Variants in ARMH4 observed in about 807,000 individuals in gnomAD.
ARMH4 encodes the protein armadillo-like helical domain-containing protein 4.
ARMH4 carries 49 observed loss-of-function variants against 61.9 expected under a neutral mutation model. The observed-to-expected ratio is 0.79, with a 90% confidence interval of 0.63 to 1.00. The LOEUF (loss-of-function observed/expected upper bound fraction) is 1.00, where lower values mean the gene tolerates loss of function less well. Ranked by LOEUF, ARMH4 falls within the 50% of genes least tolerant of loss-of-function variation. The probability of loss-of-function intolerance (pLI) is 0.00; values close to 1 mark genes in which losing one functional copy is unlikely to be tolerated. For missense variants in ARMH4, 934 were observed against 930.0 expected, an observed-to-expected ratio of 1.00 and a Z score of -0.06; for synonymous variants, 368 against 341.5, an observed-to-expected ratio of 1.08 and a Z score of -0.85.
intron 6 of ARMH4, among the ~76,000 whole-genome samples, chr14:58,007,773 C>T (rs1882233883): frequency 6.6e-6 from 1 of 152,162 alleles, no homozygotes; most frequent in African/African-American, 2.4e-5. Flanking sequence ...TATACACATG[C>T]CCCGAGATGT....
chr14:58,080,070 C>A (rs1282218739), intron 5 of ARMH4, among the ~76,000 whole-genome samples: 1 of 151,744 alleles, frequency 6.6e-6, no homozygotes, highest in African/African-American at 2.4e-5. Flanking sequence ...GATGCTAAGA[C>A]AAGGAGATGA....
In ARMH4 at chr14:58,131,707, C is replaced by T. The variant is rs199514609; in HGVS notation, c.1636G>A (p.Val546Ile). The change falls in exon 4 of 8, where the codon GTC (valine) becomes ATC (isoleucine). Residue 546 changes from valine to isoleucine, a missense_variant. Val to Ile is a conservative substitution (Grantham distance 29, BLOSUM62 3). Coordinates refer to ENST00000267485, the MANE Select transcript of ARMH4 (RefSeq NM_001001872.4). The part of the protein sequence containing the change: ...TPTVEEQMDT[V>I]TGPNEEFTPV... ...GTGAACTCCTCATTTGGCCCTGTGA[C>T]TGTGTCCATTTGTTCTGCCAAACAC... The T allele has an allele frequency of 5.0e-5, 80 of 1,612,798 alleles. No homozygotes were observed. The highest frequency in any genetic ancestry group is 6.6e-5 in the Non-Finnish European group (78 of 1,179,938).
At chr14:58,144,823 G>A (rs551775265) in intron 1 of ARMH4, among the ~76,000 whole-genome samples, 2 of 152,002 alleles carry the variant, frequency 1.3e-5, no homozygotes, top group East Asian at 1.9e-4. Flanking sequence ...AGCCAAGATC[G>A]CACCACTGCA....
At chr14:58,060,370 T>C (rs1254298439) in intron 5 of ARMH4, among the ~76,000 whole-genome samples, 3 of 152,236 alleles carry the variant, frequency 2.0e-5, no homozygotes, top group Non-Finnish European at 4.4e-5. Context: ...CTCTTTATTC[T>C]AACTCGTGGA....
intron 5 of ARMH4, among the ~76,000 whole-genome samples, chr14:58,046,224 T>G (rs2141191976): frequency 6.6e-6 from 1 of 152,298 alleles, no homozygotes; most frequent in East Asian, 1.9e-4. Flanking sequence ...CAGGGCTTGA[T>G]TCCATCTAGA....
intron 5 of ARMH4, among the ~76,000 whole-genome samples, chr14:58,039,490 T>A (rs1883608479): frequency 6.6e-6 from 1 of 152,198 alleles, no homozygotes; most frequent in African/African-American, 2.4e-5. Context: ...CCACTTGATT[T>A]CAGGAAAAGA....
chr14:58,140,764 G>A (rs1887517394), intron 1 of ARMH4, among the ~76,000 whole-genome samples: 1 of 151,848 alleles, frequency 6.6e-6, no homozygotes, highest in South Asian at 2.1e-4. Context: ...TTAGCTGGGT[G>A]TGGTGGCGGG....
intron 6 of ARMH4, among the ~76,000 whole-genome samples, chr14:58,011,754 G>C (rs1228174176): frequency 7.6e-6 from 1 of 131,592 alleles, no homozygotes; most frequent in African/African-American, 2.7e-5. Flanking sequence ...CACCTAGAGA[G>C]TCTCATATTA....
At chr14:58,098,245 AT>A (rs1885827978) in intron 4 of ARMH4, among the ~76,000 whole-genome samples, 2 of 150,940 alleles carry the variant, frequency 1.3e-5, no homozygotes, top group South Asian at 4.2e-4. Flanking sequence ...TTTAAAAAAA[AT>A]CACCTTTAAT....
intron 5 of ARMH4, among the ~76,000 whole-genome samples, chr14:58,031,722 G>A (rs758605749): frequency 5.3e-5 from 8 of 152,134 alleles, no homozygotes; most frequent in Non-Finnish European, 1.2e-4. Context: ...GAAATTCAGG[G>A]CCCAGTCATT....
intron 5 of ARMH4, among the ~76,000 whole-genome samples, chr14:58,093,693 T>C (rs1412642065): frequency 6.6e-6 from 1 of 152,138 alleles, no homozygotes; most frequent in Non-Finnish European, 1.5e-5. Context: ...GATCCAGAAG[T>C]TGTTATTGGT....
At chr14:58,059,706 T>C (rs944462200) in intron 5 of ARMH4, among the ~76,000 whole-genome samples, 5 of 152,240 alleles carry the variant, frequency 3.3e-5, no homozygotes, top group Admixed American at 6.5e-5. Context: ...ATGGCATTTA[T>C]GGAGAATTAA....
intron 1 of ARMH4, among the ~76,000 whole-genome samples, chr14:58,151,599 C>A (rs185302586): frequency 6.6e-6 from 1 of 152,354 alleles, no homozygotes; most frequent in Non-Finnish European, 1.5e-5. Flanking sequence ...CAACGATTCG[C>A]TCCTCGATTG....
chr14:58,100,002 C>T (rs537489453), intron 4 of ARMH4, among the ~76,000 whole-genome samples: 2 of 152,324 alleles, frequency 1.3e-5, no homozygotes, highest in South Asian at 4.1e-4. Flanking sequence ...CTGGTGCATA[C>T]TGGACAGGTT....
At chr14:58,151,036 G>A (rs952781733) in intron 1 of ARMH4, among the ~76,000 whole-genome samples, 1 of 152,176 alleles carries the variant, frequency 6.6e-6, no homozygotes, top group Non-Finnish European at 1.5e-5. Flanking sequence ...GCCCTTTGGA[G>A]AAGAGATCCT....
At chr14:58,135,336 G>C (rs752041661) in intron 2 of ARMH4, among the ~76,000 whole-genome samples, 2 of 152,076 alleles carry the variant, frequency 1.3e-5, no homozygotes, top group Admixed American at 6.5e-5. Flanking sequence ...CTAGCACATA[G>C]GGCAATGCTC....
intron 1 of ARMH4, among the ~76,000 whole-genome samples, chr14:58,149,290 T>G (rs1369956079): frequency 6.6e-6 from 1 of 152,200 alleles, no homozygotes; most frequent in Non-Finnish European, 1.5e-5. Context: ...TCTGTTATAT[T>G]GGCTTTAGGA....
At chr14:58,111,374 C>A (rs1009992405) in intron 4 of ARMH4, among the ~76,000 whole-genome samples, 4 of 152,014 alleles carry the variant, frequency 2.6e-5, no homozygotes, top group African/African-American at 9.7e-5. Context: ...TGATAAAAAT[C>A]CAATATGCAC....
intron 5 of ARMH4, among the ~76,000 whole-genome samples, chr14:58,075,665 T>C (rs1363294866): frequency 6.6e-6 from 1 of 152,136 alleles, no homozygotes; most frequent in African/African-American, 2.4e-5. Flanking sequence ...AATGGGTTGA[T>C]GGGTGCAGCA....
Sources: allele counts gnomAD v4.1 joint callset (sites outside exome capture counted in the v4.1 genomes callset), GRCh38; gene constraint gnomAD v4.1.1; transcripts MANE v1.5; gene names NCBI Gene and HGNC (gene_info 2026-07-23, HGNC 2026-07-21).